PHKB: variants seen among roughly 807,000 people sequenced by gnomAD.
PHKB encodes phosphorylase b kinase regulatory subunit beta.
In PHKB, 122 loss-of-function variants were observed where a neutral mutation model predicts 152.1. The ratio of observed to expected loss-of-function variants is 0.80; its 90% CI spans 0.69 to 0.93. The LOEUF is 0.93. Among genes scored for constraint, PHKB ranks in the 40% least tolerant of loss-of-function variants. The probability of loss-of-function intolerance (pLI) is 0.00; values close to 1 mark genes in which losing one functional copy is unlikely to be tolerated. For missense variants in PHKB, 1,304 were observed against 1,328.4 expected (o/e 0.98, Z 0.29); for synonymous variants, 436 against 464.9 (o/e 0.94, Z 0.80).
At chr16:47,589,172 T>C in intron 10 of PHKB, 70 bp downstream of exon 10, 2 of 1,183,270 alleles carry the variant, frequency 1.7e-6, no homozygotes, top group African/African-American at 1.5e-5. Flanking sequence ...AGACTGACCA[T>C]TGGGTTTGAA....
chr16:47,565,049 A>G lies in PHKB; in HGVS notation c.711-15246A>G, dbSNP rs183014131. 8.0e-5 allele frequency: 34 copies of G among 424,696 alleles called. 1 individual carries two copies. Among genetic ancestry groups the G allele is most frequent in the Non-Finnish European group, 1.5e-4 (34 of 219,488 alleles). The allele number at this position is 424,696 out of a possible 1,614,324, so 26.3% of individuals were successfully genotyped here. A position where few individuals can be genotyped will look rare whatever the true frequency, so the allele number is the denominator to read the frequency against. On this transcript the variant is annotated intron_variant, in intron 7 of 30. Coordinates refer to ENST00000323584, the MANE Select transcript of PHKB (RefSeq NM_000293.3). ...TGCTCTCTAATGTTCCAGGGTGCAG[A>G]GAAAGTAGGAGAAAGCACAGGATGT...
intron 7 of PHKB, among the ~76,000 whole-genome samples, chr16:47,555,775 T>C (rs571038090): frequency 1.3e-5 from 2 of 152,340 alleles, no homozygotes; most frequent in South Asian, 2.1e-4. Context: ...TTTGGTTCCA[T>C]ATGAACTTTA....
chr16:47,643,328 A>G (rs1973058657), intron 16 of PHKB, among the ~76,000 whole-genome samples: 1 of 152,230 alleles, frequency 6.6e-6, no homozygotes. Flanking sequence ...GGAAAAAAAC[A>G]GTGAATTACA....
At chr16:47,629,234 G>A (rs1316090487) in intron 14 of PHKB, among the ~76,000 whole-genome samples, 1 of 151,962 alleles carries the variant, frequency 6.6e-6, no homozygotes, top group Non-Finnish European at 1.5e-5. Flanking sequence ...GAGTGAACAG[G>A]CAACCTACAA....
At chr16:47,582,625 C>T (rs1271425526) in intron 8 of PHKB, among the ~76,000 whole-genome samples, 2 of 152,108 alleles carry the variant, frequency 1.3e-5, no homozygotes, top group Non-Finnish European at 2.9e-5. Context: ...TGGAACTTCT[C>T]AGGAATTCTA....
At chr16:47,632,101 A>C (rs1972838291) in intron 14 of PHKB, among the ~76,000 whole-genome samples, 1 of 152,138 alleles carries the variant, frequency 6.6e-6, no homozygotes, top group East Asian at 1.9e-4. Flanking sequence ...AGACTCAGAC[A>C]CTTCTCACTG....
chr16:47,534,297 G>A (rs979481247), intron 6 of PHKB, among the ~76,000 whole-genome samples: 2 of 152,206 alleles, frequency 1.3e-5, no homozygotes, highest in Non-Finnish European at 2.9e-5. Flanking sequence ...AAAGGTGTTG[G>A]TGGGGCCTGG....
At position 47,696,385 on chromosome 16, in the gene PHKB, C is replaced by A. The variant is rs909823103; in HGVS notation, c.2900C>A (p.Pro967Gln). ...IVAGKHLPQQ[P>Q]TLSDMTMYEM... is the part of the protein sequence containing the mutation. Reference sequence around the variant, plus strand: ...ATGTGGAGTTATTTTTTTCAGCAACCAACCCTGTCAGATATGACCATGTAT... The same window carrying A: ...ATGTGGAGTTATTTTTTTCAGCAACAAACCCTGTCAGATATGACCATGTAT... Residue 967 changes from proline (P) to glutamine (Q), a missense_variant, in exon 29 of 31, where the codon CCA (proline) becomes CAA (glutamine). By Grantham distance (76) the Pro-to-Gln change is moderately conservative (BLOSUM62 -1). Transcript: ENST00000323584. 1 of 1,583,468 alleles carries A rather than the reference C, an allele frequency of 6.3e-7. No homozygotes were observed. The highest frequency in any genetic ancestry group is 2.2e-5 in the East Asian group (1 of 44,754).
intron 1 of PHKB, among the ~76,000 whole-genome samples, chr16:47,494,279 A>G (rs1970197827): frequency 6.6e-6 from 1 of 152,260 alleles, no homozygotes; most frequent in African/African-American, 2.4e-5. Flanking sequence ...AAGCATAGAT[A>G]GAAGCTGCCC....
rs578193201 is a variant in PHKB at position 47,623,621 on chromosome 16, A to G, written c.1458+12701A>G. Reference sequence around the variant, plus strand: ...CTCTTGTTGCCCAGGCTGGAGTGCAATGGCTCACTGGAATCTCTGCCTCCC... The same window carrying G: ...CTCTTGTTGCCCAGGCTGGAGTGCAGTGGCTCACTGGAATCTCTGCCTCCC... On this transcript the variant is annotated intron_variant, in intron 14 of 30. Transcript: ENST00000323584. Among the ~76,000 whole-genome samples the G allele has an allele frequency of 1.8e-3, 267 of 145,706 alleles. 2 individuals are homozygous for G. The Middle Eastern group carries it at 0.022, about 12-fold the overall frequency.
At chr16:47,511,609 A>T in intron 4 of PHKB, 56 bp from the exon 5 acceptor site, 1 of 1,195,182 alleles carries the variant, frequency 8.4e-7, no homozygotes, top group Non-Finnish European at 1.3e-6. Flanking sequence ...TTTAATCTAT[A>T]GTCTTGGATA....
chr16:47,515,722 T>TC, intron 6 of PHKB, 121 bp downstream of exon 6: 1 of 674,632 alleles, frequency 1.5e-6, no homozygotes, highest in East Asian at 2.7e-5. Flanking sequence ...ATTTATATAA[T>TC]CAGATAGTAG....
chr16:47,565,675 G>T, intron 7 of PHKB: 1 of 1,315,956 alleles, frequency 7.6e-7, no homozygotes, highest in Non-Finnish European at 1.1e-6. Flanking sequence ...CCCTGTTCCT[G>T]AGTTTCTTCA....
intron 13 of PHKB, among the ~76,000 whole-genome samples, chr16:47,598,254 A>C (rs115831968): frequency 6.6e-6 from 1 of 152,154 alleles, no homozygotes; most frequent in Non-Finnish European, 1.5e-5. Context: ...AGTGATCTAT[A>C]AATTTGTTTA....
intron 26 of PHKB, among the ~76,000 whole-genome samples, chr16:47,684,476 G>A (rs1318324786): frequency 6.6e-6 from 1 of 152,188 alleles, no homozygotes; most frequent in East Asian, 1.9e-4. Context: ...CCAAACAAGA[G>A]TGTTTTTAAG....
intron 7 of PHKB, among the ~76,000 whole-genome samples, chr16:47,549,962 T>G (rs1484610760): frequency 6.6e-6 from 1 of 152,176 alleles, no homozygotes; most frequent in African/African-American, 2.4e-5. Flanking sequence ...TTTGTTCAAA[T>G]GGATGAGAGA....
chr16:47,574,750 GCCAT>G lies in PHKB; in HGVS notation c.711-5544_711-5541del, dbSNP rs1454898802. ...CTCAATCCCATGGGAATGACACCAA[GCCAT>G]TCATGAGGATCCTGACACCTCCCAC... On this transcript the variant is annotated intron_variant, in intron 7 of 30. Coordinates refer to ENST00000323584, the MANE Select transcript of PHKB (RefSeq NM_000293.3). Among the ~76,000 whole-genome samples, 8 of 152,234 alleles carry G rather than the reference GCCAT, an allele frequency of 5.3e-5. No homozygotes were observed. In the East Asian group the frequency reaches 1.5e-3, roughly 29 times the overall value.
At chr16:47,509,176 T>C (rs1970468441) in intron 4 of PHKB, among the ~76,000 whole-genome samples, 1 of 152,220 alleles carries the variant, frequency 6.6e-6, no homozygotes, top group Non-Finnish European at 1.5e-5. Flanking sequence ...CAGAATAATA[T>C]TCAGGACTTC....
chr16:47,518,863 C>T (rs909169676), intron 6 of PHKB, among the ~76,000 whole-genome samples: 7 of 152,078 alleles, frequency 4.6e-5, no homozygotes, highest in African/African-American at 1.2e-4. Flanking sequence ...TGAACTGCTA[C>T]GTGGCGTTCC....
Sources: allele counts gnomAD v4.1 joint callset (sites outside exome capture counted in the v4.1 genomes callset), GRCh38; gene constraint gnomAD v4.1.1; transcripts MANE v1.5; gene names NCBI Gene and HGNC (gene_info 2026-07-23, HGNC 2026-07-21).